PCDH15: variants seen among roughly 807,000 people sequenced by gnomAD.
PCDH15 encodes the protein protocadherin-15.
A neutral mutation model predicts 178.5 loss-of-function variants in PCDH15; 129 were observed. That is an observed-to-expected ratio of 0.72 (90% CI 0.63 to 0.84). PCDH15 has a LOEUF of 0.84. Among genes scored for constraint, PCDH15 ranks in the 40% least tolerant of loss-of-function variants. The pLI is 0.00. For synonymous variants in PCDH15, 800 were observed against 732.0 expected (o/e 1.09, Z -1.50); for missense variants, 2,230 against 2,099.9 (o/e 1.06, Z -1.21).
rs184745887 is a variant in PCDH15, at chr10:55,475,690, C to T, written c.-156+151935G>A. Reference sequence around the variant, plus strand: ...AGGATAAATGAATTTCGTGTTTAAACTTGGGTCTCATCACCAAGATATCTC... The same window carrying T: ...AGGATAAATGAATTTCGTGTTTAAATTTGGGTCTCATCACCAAGATATCTC... On this transcript the variant is annotated intron_variant, in intron 2 of 5. Coordinates refer to the PCDH15 transcript ENST00000613346. Among the ~76,000 whole-genome samples, 24 of 152,226 alleles carry T rather than the reference C, an allele frequency of 1.6e-4. No individual in the cohort carries two copies. The East Asian group carries it at 4.6e-3, about 29-fold the overall frequency.
intron 2 of PCDH15, among the ~76,000 whole-genome samples, chr10:54,532,580 C>T (rs1215692873): frequency 6.6e-6 from 1 of 151,988 alleles, no homozygotes; most frequent in Non-Finnish European, 1.5e-5. Flanking sequence ...TGATTCCAAG[C>T]AATTATTTAC....
rs529789926 is a variant in PCDH15 at position 54,841,667 on chromosome 10, C to A, written c.-29+55783G>T. On this transcript the variant is annotated intron_variant, in intron 3 of 5. Coordinates refer to the PCDH15 transcript ENST00000458638. Reference sequence around the variant, plus strand: ...AAGTTTTAAAAATAATGGCTTTAAGCTAATATTTTCTCCAATTTACATTAA... The same window carrying A: ...AAGTTTTAAAAATAATGGCTTTAAGATAATATTTTCTCCAATTTACATTAA... 2.0e-5 allele frequency among the ~76,000 whole-genome samples: 3 copies of A among 151,664 alleles called. No individual in the cohort carries two copies. The South Asian group carries it at 6.2e-4, about 32-fold the overall frequency.
intron 1 of PCDH15, among the ~76,000 whole-genome samples, chr10:55,288,827 A>G (rs1588882769): frequency 6.6e-6 from 1 of 151,792 alleles, no homozygotes; most frequent in African/African-American, 2.4e-5. Context: ...AATAAACATT[A>G]GAGTGAGGCT....
intron 1 of PCDH15, among the ~76,000 whole-genome samples, chr10:55,198,398 T>G (rs1840151629): frequency 6.6e-6 from 1 of 152,154 alleles, no homozygotes; most frequent in Non-Finnish European, 1.5e-5. Context: ...AATGAATTCT[T>G]ATGAAATCTG....
chr10:54,227,016 G>A (rs2053531583), intron 9 of PCDH15, among the ~76,000 whole-genome samples: 1 of 152,154 alleles, frequency 6.6e-6, no homozygotes. Context: ...CTGCTTTCAT[G>A]GGCTGGGGTC....
intron 2 of PCDH15, among the ~76,000 whole-genome samples, chr10:55,615,222 T>C (rs926144663): frequency 2.0e-5 from 2 of 98,728 alleles, no homozygotes; most frequent in Non-Finnish European, 4.5e-5. Context: ...AAAAGTTTAA[T>C]AGATTTGACA....
chr10:53,936,317 T>C (rs2085568990), intron 25 of PCDH15, among the ~76,000 whole-genome samples: 1 of 152,206 alleles, frequency 6.6e-6, no homozygotes, highest in Non-Finnish European at 1.5e-5. Flanking sequence ...CAACTGGATA[T>C]ATATTGATAT....
At chr10:55,315,922 A>C (rs1248377970) in intron 1 of PCDH15, among the ~76,000 whole-genome samples, 1 of 152,140 alleles carries the variant, frequency 6.6e-6, no homozygotes, top group Non-Finnish European at 1.5e-5. Flanking sequence ...AGGCTGAAGC[A>C]GGAGAATCAC....
At chr10:54,585,968 T>C (rs2091433544) in intron 2 of PCDH15, among the ~76,000 whole-genome samples, 1 of 152,192 alleles carries the variant, frequency 6.6e-6, no homozygotes, top group South Asian at 2.1e-4. Flanking sequence ...TTTGTGCAGA[T>C]AGCCCTGCCC....
chr10:54,227,192 T>A (rs1382118890), intron 9 of PCDH15, among the ~76,000 whole-genome samples: 1 of 152,196 alleles, frequency 6.6e-6, no homozygotes, highest in Non-Finnish European at 1.5e-5. Flanking sequence ...ACTGCACTAG[T>A]GGAGGTTCTT....
At chr10:54,888,470 T>C (rs1954401404) in intron 3 of PCDH15, among the ~76,000 whole-genome samples, 1 of 152,146 alleles carries the variant, frequency 6.6e-6, no homozygotes, top group Non-Finnish European at 1.5e-5. Flanking sequence ...GGTTTTATTA[T>C]TTTGGTGCTA....
At chr10:55,256,260 G>A (rs192915057) in intron 1 of PCDH15, among the ~76,000 whole-genome samples, 214 of 152,250 alleles carry the variant, frequency 1.4e-3, no homozygotes, top group African/African-American at 4.4e-3. Context: ...CAAGATGGCC[G>A]AATAGGAACA....
intron 2 of PCDH15, among the ~76,000 whole-genome samples, chr10:55,594,123 T>G (rs1445148630): frequency 1.4e-4 from 22 of 152,058 alleles, no homozygotes; most frequent in Non-Finnish European, 2.5e-4. Flanking sequence ...ATTTGCACAA[T>G]ATAAGTACAA....
intron 8 of PCDH15, among the ~76,000 whole-genome samples, chr10:54,303,308 G>C (rs1379762390): frequency 6.6e-6 from 1 of 151,296 alleles, no homozygotes; most frequent in Non-Finnish European, 1.5e-5. Context: ...CAAAAATATT[G>C]CAAAAAATAT....
chr10:55,279,070 C>G (rs561950198), intron 1 of PCDH15, among the ~76,000 whole-genome samples: 2 of 152,330 alleles, frequency 1.3e-5, no homozygotes, highest in South Asian at 2.1e-4. Context: ...TTGGGCAAAT[C>G]TAAGCTTCGA....
At chr10:55,222,730 C>CACACATATATATATATAT in intron 1 of PCDH15, among the ~76,000 whole-genome samples, 2 of 121,280 alleles carry the variant, frequency 1.6e-5, no homozygotes, top group African/African-American at 6.8e-5. Context: ...CACACACACA[C>CACACATATATATATATAT]ATATATATAT....
chr10:54,033,063 G>A (rs189343682), intron 18 of PCDH15, among the ~76,000 whole-genome samples: 79 of 151,692 alleles, frequency 5.2e-4, no homozygotes, highest in Middle Eastern at 3.4e-3. Flanking sequence ...CAACACATGG[G>A]GATTACAAAT....
chr10:55,248,851 CT>C (rs1348317571), intron 1 of PCDH15, among the ~76,000 whole-genome samples: 12 of 152,296 alleles, frequency 7.9e-5, no homozygotes, highest in Middle Eastern at 3.4e-3. Flanking sequence ...GCCACCATGC[CT>C]AGCCAATTCT....
intron 2 of PCDH15, among the ~76,000 whole-genome samples, chr10:54,978,769 T>TA (rs901378163): frequency 3.3e-5 from 5 of 152,136 alleles, no homozygotes; most frequent in African/African-American, 9.7e-5. Context: ...ACATTCCTGT[T>TA]ACTTTGTTTT....
Sources: allele counts gnomAD v4.1 joint callset (sites outside exome capture counted in the v4.1 genomes callset), GRCh38; gene constraint gnomAD v4.1.1; transcripts MANE v1.5; gene names NCBI Gene and HGNC (gene_info 2026-07-23, HGNC 2026-07-21).